TXNDC11: variants seen among roughly 807,000 people sequenced by gnomAD.
TXNDC11 encodes the protein thioredoxin domain containing 11, also known as thioredoxin domain-containing protein 11.
TXNDC11 carries 68 observed loss-of-function variants against 78.0 expected under a neutral mutation model. The observed-to-expected ratio is 0.87, with a 90% CI of 0.72 to 1.07. TXNDC11 has a LOEUF of 1.07. Among genes scored for constraint, TXNDC11 ranks in the 50% least tolerant of loss-of-function variants. TXNDC11 has a pLI of 0.00. For missense variants in TXNDC11, 1,389 were observed against 1,221.8 expected (o/e 1.14, Z -2.04); for synonymous variants, 571 against 495.2 (o/e 1.15, Z -2.03).
intron 11 of TXNDC11, among the ~76,000 whole-genome samples, chr16:11,683,415 A>G (rs2050483059): frequency 6.6e-6 from 1 of 152,206 alleles, no homozygotes; most frequent in Admixed American, 6.5e-5. Flanking sequence ...CATGGGTAAG[A>G]AAGCCACCCT....
At chr16:11,712,690 C>T (rs2051397283) in intron 5 of TXNDC11, among the ~76,000 whole-genome samples, 1 of 152,078 alleles carries the variant, frequency 6.6e-6, no homozygotes. Flanking sequence ...CAGTGGCTCA[C>T]CCCTTTAACC....
chr16:11,735,240 C>T (rs1469383270), intron 2 of TXNDC11, among the ~76,000 whole-genome samples: 1 of 152,172 alleles, frequency 6.6e-6, no homozygotes, highest in Non-Finnish European at 1.5e-5. Flanking sequence ...AAGTCACCAA[C>T]ATATCACCTT....
In TXNDC11 at chr16:11,679,272, G is replaced by T; in HGVS notation, c.2800C>A (p.Pro934Thr). Residue 934 changes from proline (P) to threonine (T), a missense_variant, in exon 12 of 12, where the codon CCT becomes ACT. Transcript: ENST00000283033. The surrounding 1 kb of genome is among the most constrained non-coding windows in gnomAD (Gnocchi z 4.6). ...TTGGCAGGTGGAGGGGAGCTGCCAG[G>T]GAGCTGGGGGGTGGCTGAGGGCTCA... ...QPEPSATPQL[P>T]GSSPPPANVS... The T allele has an allele frequency of 6.2e-7, 1 of 1,612,990 alleles. No individual in the cohort carries two copies. The highest frequency in any genetic ancestry group is 8.5e-7 in the Non-Finnish European group (1 of 1,180,002).
At chr16:11,714,140 C>G (rs540962329) in intron 5 of TXNDC11, among the ~76,000 whole-genome samples, 8 of 152,108 alleles carry the variant, frequency 5.3e-5, no homozygotes, top group South Asian at 2.1e-4. Flanking sequence ...TTCCTAGGTT[C>G]AAACCATCCT....
chr16:11,691,553 G>A lies in TXNDC11; in HGVS notation c.1637C>T (p.Pro546Leu), dbSNP rs551856827. 2 of 1,614,210 alleles carry A rather than the reference G, an allele frequency of 1.2e-6. No homozygotes were observed. Among genetic ancestry groups the A allele is most frequent in the Admixed American group, 1.7e-5 (1 of 60,028 alleles). The part of the protein sequence containing the change: ...SLEKKCEVDA[P>L]SSVPHIEENR... ...CTCCTCAATGTGAGGAACGGAGCTT[G>A]GGGCATCAACCTCACATTTCTTCTC... The change falls in exon 8 of 12, where the codon CCA becomes CTA. Residue 546 changes from proline (P) to leucine (L), a missense_variant. Physicochemically the swap from Pro to Leu is moderately conservative, Grantham distance 98. Transcript: ENST00000283033.
At chr16:11,731,321 G>A (rs1484597035) in intron 3 of TXNDC11, among the ~76,000 whole-genome samples, 2 of 152,228 alleles carry the variant, frequency 1.3e-5, no homozygotes. Context: ...AACAAATTAT[G>A]TGAAGGTCTG....
intron 4 of TXNDC11, among the ~76,000 whole-genome samples, chr16:11,727,883 C>T (rs1405394559): frequency 6.6e-6 from 1 of 152,074 alleles, no homozygotes; most frequent in Non-Finnish European, 1.5e-5. Flanking sequence ...GAATTTTGCC[C>T]CCTGAGGGGT....
intron 1 of TXNDC11, among the ~76,000 whole-genome samples, chr16:11,738,607 T>G (rs1023189042): frequency 1.3e-5 from 2 of 151,074 alleles, no homozygotes; most frequent in African/African-American, 4.9e-5. Context: ...ATTTAAGCTC[T>G]GAGACCTGAA....
intron 8 of TXNDC11, among the ~76,000 whole-genome samples, chr16:11,689,271 T>C (rs935285567): frequency 6.6e-6 from 1 of 152,156 alleles, no homozygotes; most frequent in Non-Finnish European, 1.5e-5. Context: ...CAGTTCTTTT[T>C]CTTTCTTCTA....
intron 11 of TXNDC11, among the ~76,000 whole-genome samples, chr16:11,683,057 A>C (rs973179904): frequency 6.6e-6 from 1 of 152,214 alleles, no homozygotes; most frequent in African/African-American, 2.4e-5. Flanking sequence ...ATACTGTCAA[A>C]GTCATGTGAG....
chr16:11,712,814 G>C (rs1013266530), intron 5 of TXNDC11, among the ~76,000 whole-genome samples: 1 of 151,902 alleles, frequency 6.6e-6, no homozygotes, highest in African/African-American at 2.4e-5. Context: ...AATTTGGCCA[G>C]GAGTGGTGGA....
At chr16:11,704,326 A>G (rs553728928) in intron 5 of TXNDC11, among the ~76,000 whole-genome samples, 1 of 152,352 alleles carries the variant, frequency 6.6e-6, no homozygotes, top group East Asian at 1.9e-4. Flanking sequence ...AAAGAATGAA[A>G]GAAACAGAAA....
chr16:11,707,454 A>AT (rs35259668), intron 5 of TXNDC11, among the ~76,000 whole-genome samples: 70,467 of 148,676 alleles, frequency 0.47, 16,775 homozygotes, highest in Middle Eastern at 0.56. Flanking sequence ...ATTTTTCCCA[A>AT]TTTTTTTTTT....
rs374764924 is a variant in TXNDC11, at chr16:11,691,448, T to C, written c.1742A>G (p.Asn581Ser). ...GLSCRTNKTL[N>S]IYLLDSNLFW... is the part of the protein sequence containing the mutation. ...CAAATTTGAATCCAAAAGGTAGATG[T>C]TGAGAGTCTTGTTGGTTCTGCAGCT... Residue 581 changes from asparagine to serine, a missense_variant, in exon 8 of 12, where the codon AAC becomes AGC. Physicochemically the swap from Asn to Ser is conservative, Grantham distance 46 (BLOSUM62 1). Coordinates refer to ENST00000283033, the MANE Select transcript of TXNDC11 (RefSeq NM_015914.7). The C allele has an allele frequency of 3.1e-6, 5 of 1,614,094 alleles. No homozygotes were observed. In the African/African-American group the frequency reaches 4.0e-5, roughly 13 times the overall value.
Position 11,725,903 on chromosome 16 carries a change from TCTCA to T in TXNDC11, c.700-4237_700-4234del, listed in dbSNP as rs1446961012. ...GTCTTTGTTTTGTTTTGAGATGGAGTCTCACTCTGTTGCCCAGGATGGAGTGCAG... is the reference window on the plus strand; with the variant it reads ...GTCTTTGTTTTGTTTTGAGATGGAGTCTCTGTTGCCCAGGATGGAGTGCAG... On this transcript the variant is annotated intron_variant, in intron 4 of 11. Coordinates refer to ENST00000283033, the MANE Select transcript of TXNDC11 (RefSeq NM_015914.7). Among the ~76,000 whole-genome samples, 4 of 152,172 alleles carry T rather than the reference TCTCA, an allele frequency of 2.6e-5. 1 individual carries two copies. Among genetic ancestry groups the T allele is most frequent in the Admixed American group, 2.6e-4 (4 of 15,278 alleles).
At chr16:11,706,573 C>T (rs1036715786) in intron 5 of TXNDC11, among the ~76,000 whole-genome samples, 8 of 152,226 alleles carry the variant, frequency 5.3e-5, no homozygotes, top group Non-Finnish European at 7.3e-5. Flanking sequence ...GGCAGGCAGG[C>T]AGGTTTACTC....
intron 5 of TXNDC11, among the ~76,000 whole-genome samples, chr16:11,706,965 TG>T (rs1442698217): frequency 1.3e-5 from 2 of 152,114 alleles, no homozygotes; most frequent in African/African-American, 4.8e-5. Context: ...CCCACCTATA[TG>T]GAGAGCCAAT....
At position 11,709,423 on chromosome 16, in the gene TXNDC11, A is replaced by ATTTTTTTTTTTTT. The variant is rs149701958; in HGVS notation, c.794-8872_794-8860dup. ...CCACCATGCGTAGCTAATTTTTTGT[A>ATTTTTTTTTTTTT]TTTTTTTTTTTTTTTTTTTTTTTTT... On this transcript the variant is annotated intron_variant, in intron 5 of 11. Coordinates refer to ENST00000283033, the MANE Select transcript of TXNDC11 (RefSeq NM_015914.7). Among the ~76,000 whole-genome samples the ATTTTTTTTTTTTT allele has an allele frequency of 2.0e-4, 11 of 55,592 alleles. 2 individuals carry two copies. Among genetic ancestry groups the ATTTTTTTTTTTTT allele is most frequent in the African/African-American group, 8.6e-4 (11 of 12,748 alleles). 36.5% of individuals were successfully genotyped at this position (55,592 alleles called of 152,430 possible). A position where few individuals can be genotyped will look rare whatever the true frequency, so the allele number is the denominator to read the frequency against.
At chr16:11,736,618 A>T (rs927015118) in intron 1 of TXNDC11, among the ~76,000 whole-genome samples, 5 of 152,238 alleles carry the variant, frequency 3.3e-5, no homozygotes, top group Admixed American at 6.5e-5. Flanking sequence ...AATTACGGTG[A>T]GGGAGCATGT....
Sources: allele counts gnomAD v4.1 joint callset (sites outside exome capture counted in the v4.1 genomes callset), GRCh38; gene constraint gnomAD v4.1.1; non-coding constraint Gnocchi (gnomAD v3.1); transcripts MANE v1.5; gene names NCBI Gene and HGNC (gene_info 2026-07-23, HGNC 2026-07-21).